KCND2: variants seen among roughly 807,000 people sequenced by gnomAD.
KCND2 encodes the protein A-type voltage-gated potassium channel KCND2.
Under a neutral mutation model 54.4 loss-of-function variants are expected in KCND2, and 16 were observed. That is an observed-to-expected ratio of 0.29 (90% CI 0.20 to 0.45). The LOEUF is 0.45. Ranked by LOEUF, KCND2 falls within the 20% of genes least tolerant of loss-of-function variation. The pLI is 1.00. For missense variants in KCND2, 486 were observed against 824.2 expected, an observed-to-expected ratio of 0.59 and a Z score of 5.02; for synonymous variants, 317 against 310.7, an observed-to-expected ratio of 1.02 and a Z score of -0.21.
intron 1 of KCND2, among the ~76,000 whole-genome samples, chr7:120,657,009 T>C (rs1231081788): frequency 6.6e-6 from 1 of 152,108 alleles, no homozygotes; most frequent in African/African-American, 2.4e-5. Context: ...AAGAAAACTT[T>C]TTTGGCAAAA....
chr7:120,401,451 A>T (rs1207138432), intron 1 of KCND2, among the ~76,000 whole-genome samples: 1 of 152,162 alleles, frequency 6.6e-6, no homozygotes, highest in East Asian at 1.9e-4. Flanking sequence ...AAAACCTTTT[A>T]AAAATACTGT....
intron 1 of KCND2, among the ~76,000 whole-genome samples, chr7:120,350,354 CT>C (rs973337672): frequency 6.6e-6 from 1 of 152,024 alleles, no homozygotes; most frequent in Non-Finnish European, 1.5e-5. Context: ...ATTAATTTTC[CT>C]ACATTTCTTA....
intron 1 of KCND2, among the ~76,000 whole-genome samples, chr7:120,351,082 T>C (rs541766722): frequency 6.6e-6 from 1 of 151,730 alleles, no homozygotes; most frequent in East Asian, 1.9e-4. Context: ...CTACATTAAA[T>C]ATGTAGATTA....
In KCND2 at chr7:120,292,502, AG is replaced by A. The variant is rs570755349; in HGVS notation, c.1115+16756del. ...AGAATCACAGGATCTTGAAATTAAA[AG>A]TTTCCTTGGAGAAAACTTTTCCCTG... is the stretch of plus-strand genomic sequence containing the variant. On this transcript the variant is annotated intron_variant, in intron 1 of 5. Coordinates refer to ENST00000331113, the MANE Select transcript of KCND2 (RefSeq NM_012281.3). Among the ~76,000 whole-genome samples, 34 of 151,984 alleles carry A rather than the reference AG, an allele frequency of 2.2e-4. No homozygotes were observed. In the South Asian group the frequency reaches 7.0e-3, roughly 31 times the overall value.
intron 1 of KCND2, among the ~76,000 whole-genome samples, chr7:120,702,794 G>A (rs1792419973): frequency 6.6e-6 from 1 of 152,098 alleles, no homozygotes; most frequent in African/African-American, 2.4e-5. Flanking sequence ...GGTGGAGGGT[G>A]GGAGGAGGGA....
At chr7:120,445,907 C>T (rs1802011627) in intron 1 of KCND2, among the ~76,000 whole-genome samples, 1 of 152,138 alleles carries the variant, frequency 6.6e-6, no homozygotes, top group East Asian at 1.9e-4. Flanking sequence ...TTACCCCTCT[C>T]TTAACCCAAG....
intron 1 of KCND2, among the ~76,000 whole-genome samples, chr7:120,514,592 G>T (rs1366458141): frequency 6.6e-6 from 1 of 151,786 alleles, no homozygotes; most frequent in African/African-American, 2.4e-5. Flanking sequence ...GAAGTTTTTT[G>T]GTTTGTTTGT....
intron 1 of KCND2, among the ~76,000 whole-genome samples, chr7:120,488,316 A>G (rs1167537699): frequency 1.3e-5 from 2 of 152,188 alleles, no homozygotes; most frequent in African/African-American, 4.8e-5. Flanking sequence ...TATCATTCAA[A>G]TGTTTGTAAA....
chr7:120,678,346 TA>T (rs1562906800), intron 1 of KCND2, among the ~76,000 whole-genome samples: 638 of 45,864 alleles, frequency 0.014, 23 homozygotes, highest in Admixed American at 0.13. Context: ...TGATTATTTA[TA>T]TATATATATA....
At chr7:120,385,319 A>T (rs1240775606) in intron 1 of KCND2, among the ~76,000 whole-genome samples, 1 of 151,888 alleles carries the variant, frequency 6.6e-6, no homozygotes, top group Non-Finnish European at 1.5e-5. Context: ...TTAAAGCATA[A>T]ATCCCATCAT....
At chr7:120,372,054 A>G (rs188205222) in intron 1 of KCND2, among the ~76,000 whole-genome samples, 1 of 152,070 alleles carries the variant, frequency 6.6e-6, no homozygotes, top group African/African-American at 2.4e-5. Flanking sequence ...AGGAGTGCAG[A>G]TACCTGTTGG....
intron 2 of KCND2, among the ~76,000 whole-genome samples, chr7:120,740,273 T>G (rs1461936139): frequency 6.6e-6 from 1 of 152,082 alleles, no homozygotes; most frequent in Non-Finnish European, 1.5e-5. Context: ...CATGCACTTC[T>G]GTAGTATTAA....
intron 1 of KCND2, among the ~76,000 whole-genome samples, chr7:120,299,889 A>T (rs1799562301): frequency 6.6e-6 from 1 of 152,214 alleles, no homozygotes; most frequent in Admixed American, 6.5e-5. Flanking sequence ...ATGAAGTATT[A>T]AGTTCCCAAT....
intron 1 of KCND2, among the ~76,000 whole-genome samples, chr7:120,698,784 T>C (rs992923894): frequency 1.3e-5 from 2 of 152,230 alleles, no homozygotes; most frequent in African/African-American, 2.4e-5. Flanking sequence ...TTCTGCTATG[T>C]ATTTCATCCT....
At chr7:120,375,226 G>A (rs1440655889) in intron 1 of KCND2, among the ~76,000 whole-genome samples, 1 of 151,310 alleles carries the variant, frequency 6.6e-6, no homozygotes, top group Admixed American at 6.6e-5. Context: ...CTTGTTTCTA[G>A]AAGAACAAAC....
At chr7:120,404,776 C>A (rs917246881) in intron 1 of KCND2, among the ~76,000 whole-genome samples, 1 of 14,708 alleles carries the variant, frequency 6.8e-5, no homozygotes, top group East Asian at 2.0e-3. Context: ...TGGGGGGGGA[C>A]CTTTGTGAAT....
At chr7:120,671,210 G>C (rs1018830844) in intron 1 of KCND2, among the ~76,000 whole-genome samples, 2 of 151,974 alleles carry the variant, frequency 1.3e-5, no homozygotes, top group Admixed American at 6.6e-5. Context: ...ACCAGGGTCC[G>C]GTTTCGTGGA....
chr7:120,582,912 A>G (rs1389493551), intron 1 of KCND2, among the ~76,000 whole-genome samples: 1 of 150,838 alleles, frequency 6.6e-6, no homozygotes, highest in African/African-American at 2.4e-5. Context: ...TTATGACATT[A>G]GTTTCTCATC....
intron 1 of KCND2, among the ~76,000 whole-genome samples, chr7:120,599,735 C>A (rs950256503): frequency 4.6e-5 from 7 of 151,832 alleles, no homozygotes; most frequent in Non-Finnish European, 1.0e-4. Context: ...TGTAGAAAAT[C>A]ATAAATCTGT....
Sources: gnomAD v4.1 joint callset for allele counts (sites outside exome capture counted in the v4.1 genomes callset) on GRCh38, gnomAD v4.1.1 for gene constraint, MANE v1.5 for transcripts, NCBI Gene and HGNC (gene_info 2026-07-23, HGNC 2026-07-21) for gene names.